NES: variants seen among roughly 807,000 people sequenced by gnomAD.
The protein encoded by NES is nestin.
NES carries 27 observed loss-of-function variants against 35.6 expected under a neutral mutation model. That is an observed-to-expected ratio of 0.76 (90% CI 0.56 to 1.04). The LOEUF (loss-of-function observed/expected upper bound fraction) is 1.04, where lower values mean the gene tolerates loss of function less well. NES is among the 50% of genes least tolerant of loss of function. NES has a pLI of 0.00. For synonymous variants in NES, 822 were observed against 824.2 expected, an observed-to-expected ratio of 1.00 and a Z score of 0.04; for missense variants, 1,867 against 1,983.6, an observed-to-expected ratio of 0.94 and a Z score of 1.12.
Position 156,671,749 on chromosome 1 carries a change from CTCTT to C in NES, c.2435_2438del (p.Glu812GlyfsTer3). 1 of 1,614,106 alleles carries C rather than the reference CTCTT, an allele frequency of 6.2e-7. No individual in the cohort carries two copies. Among genetic ancestry groups the C allele is most frequent in the Non-Finnish European group, 8.5e-7 (1 of 1,180,024 alleles). ...CTAAAGATTTTACTGCCTCTACGCT[CTCTT>C]CTTTGAGTGACTTTAAGAACTCTTG... is the stretch of plus-strand genomic sequence containing the variant. On this transcript the variant is annotated frameshift_variant, in exon 4 of 4. Transcript: ENST00000368223. LOFTEE classifies it low-confidence loss of function (END_TRUNC).
At position 156,673,056 on chromosome 1, in the gene NES, G is replaced by A. The variant is rs1571464897; in HGVS notation, c.1132C>T (p.Leu378Phe). Reference sequence around the variant, plus strand: ...GCCAAGGTAGGGGTACGGGCCTGGAGGAATTCTTGGTTCTTAAGAAAGGCT... The same window carrying A: ...GCCAAGGTAGGGGTACGGGCCTGGAAGAATTCTTGGTTCTTAAGAAAGGCT... ...VPAFLKNQEF[L>F]QARTPTLAST... The change falls in exon 4 of 4, where the codon CTC (leucine) becomes TTC (phenylalanine). Residue 378 changes from leucine to phenylalanine, a missense_variant. Leu to Phe is a conservative substitution (Grantham distance 22). Transcript: ENST00000368223. 1 of 1,609,372 alleles carries A rather than the reference G, an allele frequency of 6.2e-7. No individual in the cohort carries two copies. Among genetic ancestry groups the A allele is most frequent in the East Asian group, 2.2e-5 (1 of 44,728 alleles).
At position 156,677,147 on chromosome 1, in the gene NES, G is replaced by A. The variant is rs767333105; in HGVS notation, c.118C>T (p.Leu40Phe). ...GCGGATTGTGCCCGGAGCCCCCCGA[G>A]CTCCGCGCTGAGCAGCTCATTCTGC... The part of the protein sequence containing the change: ...EEQNELLSAE[L>F]GGLRAQSADT... The change falls in exon 1 of 4, where the codon CTC (leucine) becomes TTC (phenylalanine). Residue 40 changes from leucine to phenylalanine, a missense_variant. By Grantham distance (22) the Leu-to-Phe change is conservative. Transcript: ENST00000368223. This position sits in a 1 kb window ranked among gnomAD's most constrained non-coding sequence, Gnocchi z 4.5. 5 of 1,610,866 alleles carry A rather than the reference G, an allele frequency of 3.1e-6. No individual in the cohort carries two copies. In the South Asian group the frequency reaches 5.5e-5, roughly 18 times the overall value.
intron 3 of NES, 79 bp downstream of exon 3, chr1:156,673,375 G>T: frequency 7.0e-7 from 1 of 1,429,636 alleles, no homozygotes; most frequent in Non-Finnish European, 9.7e-7. Context: ...ATTTAGATTG[G>T]TGCCTCTCGG....
In NES at chr1:156,676,627, C is replaced by G; in HGVS notation, c.638G>C (p.Arg213Pro). Residue 213 changes from arginine (R) to proline (P), a missense_variant, in exon 1 of 4, where the codon CGG (arginine) becomes CCG (proline). By Grantham distance (103) the Arg-to-Pro change is moderately radical. Coordinates refer to ENST00000368223, the MANE Select transcript of NES (RefSeq NM_006617.2). This position sits in a 1 kb window ranked among gnomAD's most constrained non-coding sequence, Gnocchi z 5.3. ...SLGQARERLGRAVQGAREGRL... is the reference protein window; with the variant it reads ...SLGQARERLGPAVQGAREGRL... The stretch of plus-strand genomic sequence containing the variant: ...GCCCTCGCGGGCACCCTGCACCGCC[C>G]GGCCCAGCCGCTCGCGGGCCTGGCC... 2 of 1,537,602 alleles carry G rather than the reference C, an allele frequency of 1.3e-6. No individual in the cohort carries two copies. The highest frequency in any genetic ancestry group is 1.7e-6 in the Non-Finnish European group (2 of 1,155,072).
rs1679687335 is a variant in NES, at chr1:156,670,355, T to G, written c.3833A>C (p.Glu1278Ala). Residue 1278 changes from glutamate to alanine, a missense_variant, in exon 4 of 4, where the codon GAA becomes GCA. Glu to Ala is a moderately radical substitution (Grantham distance 107). Transcript: ENST00000368223. ...GCTCTCTTCTCTGCTCTCCTCCCCT[T>G]CCTCCTGGGGGCCCTCGGGGATCTC... ...SGEIPEGPQE[E>A]GEESREESEE... 6.2e-7 allele frequency: 1 copy of G among 1,610,524 alleles called. No homozygotes were observed. The highest frequency in any genetic ancestry group is 1.1e-5 in the South Asian group (1 of 90,634).
Position 156,677,084 on chromosome 1 carries a change from C to T in NES, c.181G>A (p.Ala61Thr). 1 of 1,602,048 alleles carries T rather than the reference C, an allele frequency of 6.2e-7. No homozygotes were observed. The highest frequency in any genetic ancestry group is 8.5e-7 in the Non-Finnish European group (1 of 1,175,644). The change falls in exon 1 of 4, where the codon GCG (alanine) becomes ACG (threonine). Residue 61 changes from alanine (A) to threonine (T), a missense_variant. Ala to Thr is a moderately conservative substitution (Grantham distance 58). Transcript: ENST00000368223. This position sits in a 1 kb window ranked among gnomAD's most constrained non-coding sequence, Gnocchi z 4.5. The part of the protein sequence containing the change: ...SWRAHADDEL[A>T]ALRALVDQRW... The stretch of plus-strand genomic sequence containing the variant: ...TGGTCAACGAGGGCCCGCAGGGCCG[C>T]CAGCTCGTCGTCGGCATGCGCCCGC...
In NES at chr1:156,672,137, C is replaced by T. The variant is rs1679748843; in HGVS notation, c.2051G>A (p.Gly684Glu). 6.2e-7 allele frequency: 1 copy of T among 1,611,712 alleles called. No homozygotes were observed. The highest frequency in any genetic ancestry group is 1.3e-5 in the African/African-American group (1 of 74,604). ...NQEPLRSPEV[G>E]DEEALRPLTK... is the part of the protein sequence containing the mutation. The stretch of plus-strand genomic sequence containing the variant: ...CAGAGGTCTCAGTGCCTCCTCATCC[C>T]CTACTTCTGGAGATCTCAGTGGCTC... Residue 684 changes from glycine (G) to glutamate (E), a missense_variant, in exon 4 of 4, where the codon GGG (glycine) becomes GAG (glutamate). By Grantham distance (98) the Gly-to-Glu change is moderately conservative. Transcript: ENST00000368223.
In NES at chr1:156,672,401, A is replaced by AG; in HGVS notation, c.1786dup (p.Leu596ProfsTer20). 6.2e-7 allele frequency: 1 copy of AG among 1,612,714 alleles called. No individual in the cohort carries two copies. The highest frequency in any genetic ancestry group is 8.5e-7 in the Non-Finnish European group (1 of 1,179,740). On this transcript the variant is annotated frameshift_variant, in exon 4 of 4. Coordinates refer to ENST00000368223, the MANE Select transcript of NES (RefSeq NM_006617.2). LOFTEE classifies it low-confidence loss of function (END_TRUNC). The stretch of plus-strand genomic sequence containing the variant: ...TCTCACTACCTCCACATCCTTTAAT[A>AG]GCTCTTTATTTTCCTTTTCTAGACT...
At position 156,676,439 on chromosome 1, in the gene NES, G is replaced by A; in HGVS notation, c.783+43C>T. 1 of 1,587,546 alleles carries A rather than the reference G, an allele frequency of 6.3e-7. No homozygotes were observed. The highest frequency in any genetic ancestry group is 8.5e-7 in the Non-Finnish European group (1 of 1,171,856). On this transcript the variant is annotated intron_variant, in intron 1 of 3. Transcript: ENST00000368223. This position sits in a 1 kb window ranked among gnomAD's most constrained non-coding sequence, Gnocchi z 5.3. ...TGAGCTTCATAAGGGACTTTCTGGA[G>A]CTTTCTGGGACTTTCTCTCACCCAG... is the stretch of plus-strand genomic sequence containing the variant.
At chr1:156,675,605 C>T (rs1647253742) in intron 1 of NES, among the ~76,000 whole-genome samples, 1 of 152,126 alleles carries the variant, frequency 6.6e-6, no homozygotes, top group Non-Finnish European at 1.5e-5. Context: ...TAAATGGTAG[C>T]ACATGTTGCT....
rs868260556 is a variant in NES, at chr1:156,676,700, C to A, written c.565G>T (p.Ala189Ser). The A allele has an allele frequency of 6.9e-7, 1 of 1,458,314 alleles. No individual in the cohort carries two copies. The highest frequency in any genetic ancestry group is 9.0e-7 in the Non-Finnish European group (1 of 1,117,164). The allele number at this position is 1,458,314 out of a possible 1,614,324, so 90.3% of individuals were successfully genotyped here. A position where few individuals can be genotyped will look rare whatever the true frequency, so the allele number is the denominator to read the frequency against. Residue 189 changes from alanine to serine, a missense_variant, in exon 1 of 4, where the codon GCA becomes TCA. Transcript: ENST00000368223. The surrounding 1 kb of genome is among the most constrained non-coding windows in gnomAD (Gnocchi z 5.3). ...ACGCGCTCCTGGTAGCCGCGCACTG[C>A]CCCGCGCCACGCCTCGCCCAGTCGC... is the stretch of plus-strand genomic sequence containing the variant. ...ARRLGEAWRG[A>S]VRGYQERVAH...
Position 156,673,008 on chromosome 1 carries a change from G to A in NES, c.1180C>T (p.Pro394Ser). Residue 394 changes from proline (P) to serine (S), a missense_variant, in exon 4 of 4, where the codon CCT becomes TCT. Physicochemically the swap from Pro to Ser is moderately conservative, Grantham distance 74 (BLOSUM62 -1). Transcript: ENST00000368223. ...TLASTPIPPT[P>S]QAPSPAVDAE... is the part of the protein sequence containing the mutation. ...TCTACAGCAGGAGAGGGTGCCTGAG[G>A]TGTGGGGGGGATGGGGGTGCTGGCC... 2 of 1,612,488 alleles carry A rather than the reference G, an allele frequency of 1.2e-6. No homozygotes were observed. Among genetic ancestry groups the A allele is most frequent in the Non-Finnish European group, 1.7e-6 (2 of 1,178,736 alleles).
chr1:156,670,314 C>T lies in NES; in HGVS notation c.3874G>A (p.Gly1292Arg), dbSNP rs773498246. ...SREESEEDEL[G>R]ETLPDSTPLG... is the part of the protein sequence containing the mutation. ...GGAGTGGAGTCTGGAAGGGTCTCCC[C>T]GAGCTCATCCTCCTCGCTCTCTTCT... The change falls in exon 4 of 4, where the codon GGG (glycine) becomes AGG (arginine). Residue 1292 changes from glycine (G) to arginine (R), a missense_variant. Physicochemically the swap from Gly to Arg is moderately radical, Grantham distance 125. Coordinates refer to ENST00000368223, the MANE Select transcript of NES (RefSeq NM_006617.2). 9.3e-6 allele frequency: 15 copies of T among 1,612,002 alleles called. No homozygotes were observed. Among genetic ancestry groups the T allele is most frequent in the African/African-American group, 2.7e-5 (2 of 74,992 alleles).
Position 156,677,021 on chromosome 1 carries a change from C to CG in NES, c.243dup (p.Asp82ArgfsTer5). On this transcript the variant is annotated frameshift_variant, in exon 1 of 4. Coordinates refer to ENST00000368223, the MANE Select transcript of NES (RefSeq NM_006617.2). LOFTEE classifies it high-confidence loss of function. The surrounding 1 kb of genome is among the most constrained non-coding windows in gnomAD (Gnocchi z 4.5). ...CCCTCCAGCTCTTCAGCCAGGTTGTCGCGCGCCACCTCGGCCGCGTGCTTC... is the reference window on the plus strand; with the variant it reads ...CCCTCCAGCTCTTCAGCCAGGTTGTCGGCGCGCCACCTCGGCCGCGTGCTTC... 6.3e-7 allele frequency: 1 copy of CG among 1,585,078 alleles called. No individual in the cohort carries two copies. Among genetic ancestry groups the CG allele is most frequent in the Non-Finnish European group, 8.5e-7 (1 of 1,169,814 alleles).
rs757911838 is a variant in NES at position 156,671,658 on chromosome 1, C to G, written c.2530G>C (p.Glu844Gln). The G allele has an allele frequency of 6.2e-7, 1 of 1,613,668 alleles. No homozygotes were observed. The highest frequency in any genetic ancestry group is 1.1e-5 in the South Asian group (1 of 91,026). ...QENLETLKSP[E>Q]TQAPLWTPEE... is the part of the protein sequence containing the mutation. ...GGAGTCCACAGTGGTGCTTGAGTTT[C>G]TGGAGATTTCAGTGTTTCCAGGTTC... Residue 844 changes from glutamate (E) to glutamine (Q), a missense_variant, in exon 4 of 4, where the codon GAA becomes CAA. Glu to Gln is a conservative substitution (Grantham distance 29). Transcript: ENST00000368223.
At position 156,677,224 on chromosome 1, in the gene NES, T is replaced by G. The variant is rs769486774; in HGVS notation, c.41A>C (p.Glu14Ala). The change falls in exon 1 of 4, where the codon GAG becomes GCG. Residue 14 changes from glutamate (E) to alanine (A), a missense_variant. Physicochemically the swap from Glu to Ala is moderately radical, Grantham distance 107 (BLOSUM62 -1). Coordinates refer to ENST00000368223, the MANE Select transcript of NES (RefSeq NM_006617.2). The surrounding 1 kb of genome is among the most constrained non-coding windows in gnomAD (Gnocchi z 4.5). Reference protein sequence around the residue: ...CMGEESFQMWELNRRLEAYLA... With the variant: ...CMGEESFQMWALNRRLEAYLA... Reference sequence around the variant, plus strand: ...GTAGGCCTCCAGGCGCCGATTGAGCTCCCACATCTGAAACGACTCCTCCCC... The same window carrying G: ...GTAGGCCTCCAGGCGCCGATTGAGCGCCCACATCTGAAACGACTCCTCCCC... 3 of 1,605,814 alleles carry G rather than the reference T, an allele frequency of 1.9e-6. No homozygotes were observed. Among genetic ancestry groups the G allele is most frequent in the Non-Finnish European group, 2.5e-6 (3 of 1,176,480 alleles).
chr1:156,677,395 A>G lies in NES; in HGVS notation c.-131T>C. On this transcript the variant is annotated 5_prime_UTR_variant, in exon 1 of 4. Coordinates refer to ENST00000368223, the MANE Select transcript of NES (RefSeq NM_006617.2). The surrounding 1 kb of genome is among the most constrained non-coding windows in gnomAD (Gnocchi z 4.5). ...TGACGGGGCGGGGCGGGGTGGGAGT[A>G]GCCTGAGCGACTGAGAGTCGGGAGT... 1.5e-6 allele frequency: 1 copy of G among 686,688 alleles called. No individual in the cohort carries two copies. The highest frequency in any genetic ancestry group is 2.5e-6 in the Non-Finnish European group (1 of 405,154). 42.5% of individuals were successfully genotyped at this position (686,688 alleles called of 1,614,324 possible).
Position 156,670,546 on chromosome 1 carries a change from T to C in NES, c.3642A>G (p.Val1214=), listed in dbSNP as rs1679696381. 5 of 1,610,392 alleles carry C rather than the reference T, an allele frequency of 3.1e-6. No individual in the cohort carries two copies. The highest frequency in any genetic ancestry group is 4.2e-6 in the Non-Finnish European group (5 of 1,177,482). ...GGCTGGGGGAGACCAGCACTGGTGGTACATCCTCCTCAGCTTCCTCTGACC... is the reference window on the plus strand; with the variant it reads ...GGCTGGGGGAGACCAGCACTGGTGGCACATCCTCCTCAGCTTCCTCTGACC... ...PLGSEEAEED[V]PPVLVSPSPT... is the part of the protein sequence containing the mutation. Residue 1214 remains valine, a synonymous_variant, in exon 4 of 4, where the codon GTA becomes GTG. Coordinates refer to ENST00000368223, the MANE Select transcript of NES (RefSeq NM_006617.2).
In NES at chr1:156,677,090, C is replaced by G; in HGVS notation, c.175G>C (p.Glu59Gln). ...DTSWRAHADD[E>Q]LAALRALVDQ... Reference sequence around the variant, plus strand: ...ACGAGGGCCCGCAGGGCCGCCAGCTCGTCGTCGGCATGCGCCCGCCAGGAG... The same window carrying G: ...ACGAGGGCCCGCAGGGCCGCCAGCTGGTCGTCGGCATGCGCCCGCCAGGAG... Residue 59 changes from glutamate (E) to glutamine (Q), a missense_variant, in exon 1 of 4, where the codon GAG (glutamate) becomes CAG (glutamine). Transcript: ENST00000368223. This position sits in a 1 kb window ranked among gnomAD's most constrained non-coding sequence, Gnocchi z 4.5. 1 of 1,602,962 alleles carries G rather than the reference C, an allele frequency of 6.2e-7. No homozygotes were observed. The highest frequency in any genetic ancestry group is 1.1e-5 in the South Asian group (1 of 89,778).
Sources: gnomAD v4.1 joint callset for allele counts (sites outside exome capture counted in the v4.1 genomes callset) on GRCh38, gnomAD v4.1.1 for gene constraint, Gnocchi (gnomAD v3.1) non-coding constraint, MANE v1.5 for transcripts, NCBI Gene and HGNC (gene_info 2026-07-23, HGNC 2026-07-21) for gene names.